BTNL9: variants seen among roughly 807,000 people sequenced by gnomAD.
BTNL9 encodes butyrophilin-like protein 9.
A neutral mutation model predicts 45.8 loss-of-function variants in BTNL9; 45 were observed. The observed-to-expected ratio is 0.98, with a 90% CI of 0.77 to 1.26. The LOEUF is 1.26. Among genes scored for constraint, BTNL9 ranks in the 50% most tolerant of loss-of-function variants. The pLI, the probability that BTNL9 is intolerant of heterozygous loss-of-function variation, is 0.00. For missense variants in BTNL9, 784 were observed against 729.7 expected, an observed-to-expected ratio of 1.07 and a Z score of -0.86; for synonymous variants, 346 against 330.8, an observed-to-expected ratio of 1.05 and a Z score of -0.50.
At position 181,045,534 on chromosome 5, in the gene BTNL9, G is replaced by A. The variant is rs773291591; in HGVS notation, c.45G>A (p.Ser15=). ...CCCCAGACTCCTTGAAGCCAGTATC[G>A]CTGACCAGCAGTCTTGTCTTCCTCA... ...SVSPDSLKPV[S]LTSSLVFLMH... Residue 15 remains serine (S), a synonymous_variant, in exon 2 of 11, where the codon TCG becomes TCA. Coordinates refer to ENST00000327705, the MANE Select transcript of BTNL9 (RefSeq NM_152547.5). The A allele has an allele frequency of 9.3e-6, 15 of 1,612,350 alleles. No homozygotes were observed. The highest frequency in any genetic ancestry group is 4.5e-5 in the East Asian group (2 of 44,866).
chr5:181,052,027 G>A (rs1041638292), intron 4 of BTNL9, among the ~76,000 whole-genome samples: 1 of 151,968 alleles, frequency 6.6e-6, no homozygotes, highest in Non-Finnish European at 1.5e-5. Flanking sequence ...AGAGGGTCGA[G>A]GGGGAGGGTC....
rs373958144 is a variant in BTNL9 at position 181,046,644 on chromosome 5, T to C, written c.109+1046T>C. Among the ~76,000 whole-genome samples, 6 of 151,882 alleles carry C rather than the reference T, an allele frequency of 4.0e-5. No individual in the cohort carries two copies. The East Asian group carries it at 7.7e-4, about 20-fold the overall frequency. On this transcript the variant is annotated intron_variant, in intron 2 of 10. Transcript: ENST00000327705. Reference sequence around the variant, plus strand: ...GGTGTGGATGTGGCATAAATGGCTGTCCATTTATGTGACCATGGCTGAGAG... The same window carrying C: ...GGTGTGGATGTGGCATAAATGGCTGCCCATTTATGTGACCATGGCTGAGAG...
At chr5:181,057,731 C>T (rs1761954474) in intron 9 of BTNL9, among the ~76,000 whole-genome samples, 1 of 152,160 alleles carries the variant, frequency 6.6e-6, no homozygotes, top group Admixed American at 6.5e-5. Context: ...CTGAGATATT[C>T]CACACAAGAG....
At position 181,048,126 on chromosome 5, in the gene BTNL9, G is replaced by A. The variant is rs751682675; in HGVS notation, c.309G>A (p.Arg103=). The A allele has an allele frequency of 1.2e-6, 2 of 1,613,654 alleles. No individual in the cohort carries two copies. The highest frequency in any genetic ancestry group is 2.2e-5 in the East Asian group (1 of 44,876). Residue 103 remains arginine (R), a synonymous_variant, in exon 3 of 11, where the codon AGG becomes AGA. Coordinates refer to ENST00000327705, the MANE Select transcript of BTNL9 (RefSeq NM_152547.5). Reference sequence around the variant, plus strand: ...GGCAGATGCCGGCGTTCCGGAACAGGACCAAGTTGGTCAAGGACGACATCG... The same window carrying A: ...GGCAGATGCCGGCGTTCCGGAACAGAACCAAGTTGGTCAAGGACGACATCG... ...PGRQMPAFRN[R]TKLVKDDIAY...
intron 7 of BTNL9, chr5:181,054,888 A>G (rs1262595826): frequency 7.1e-6 from 7 of 985,366 alleles, no homozygotes; most frequent in Admixed American, 6.1e-5. Context: ...ATAACACTAT[A>G]GCATGAATGC....
chr5:181,053,398 G>T lies in BTNL9; in HGVS notation c.854-71G>T. The T allele has an allele frequency of 6.5e-7, 1 of 1,532,436 alleles. No individual in the cohort carries two copies. Among genetic ancestry groups the T allele is most frequent in the Non-Finnish European group, 8.8e-7 (1 of 1,138,256 alleles). 94.9% of individuals were successfully genotyped at this position (1,532,436 alleles called of 1,614,324 possible). A position where few individuals can be genotyped will look rare whatever the true frequency, so the allele number is the denominator to read the frequency against. ...CCGCGGAGGCGCCTCCCCCCAGGAC[G>T]CGGCGCGGGAAGGCGGCCTGGAAGG... On this transcript the variant is annotated intron_variant, in intron 5 of 10. Coordinates refer to ENST00000327705, the MANE Select transcript of BTNL9 (RefSeq NM_152547.5). This position sits in a 1 kb window ranked among gnomAD's most constrained non-coding sequence, Gnocchi z 6.5.
intron 10 of BTNL9, 138 bp from the exon 11 acceptor site, chr5:181,059,099 C>T: frequency 7.4e-7 from 1 of 1,358,090 alleles, no homozygotes; most frequent in South Asian, 1.6e-5. Context: ...AGGGGGTTTG[C>T]AGGGGTGAGG....
intron 2 of BTNL9, 71 bp downstream of exon 2, chr5:181,045,669 C>T (rs1046518407): frequency 2.3e-5 from 29 of 1,236,378 alleles, no homozygotes; most frequent in Non-Finnish European, 3.0e-5. Context: ...CCCAGGGCTA[C>T]GATCTTAGCA....
At chr5:181,041,650 T>A (rs1005438502) in intron 1 of BTNL9, among the ~76,000 whole-genome samples, 1 of 152,202 alleles carries the variant, frequency 6.6e-6, no homozygotes, top group Non-Finnish European at 1.5e-5. Context: ...AAACAAACAG[T>A]CCTAAGTGTA....
Position 181,059,474 on chromosome 5 carries a change from G to A in BTNL9, c.1220G>A (p.Arg407His), listed in dbSNP as rs746641215. Residue 407 changes from arginine to histidine, a missense_variant, in exon 11 of 11, where the codon CGC (arginine) becomes CAC (histidine). By Grantham distance (29) the Arg-to-His change is conservative (BLOSUM62 0). Coordinates refer to ENST00000327705, the MANE Select transcript of BTNL9 (RefSeq NM_152547.5). Reference protein sequence around the residue: ...FLGACLAAVPRAGPARLSPAA... With the variant: ...FLGACLAAVPHAGPARLSPAA... The stretch of plus-strand genomic sequence containing the variant: ...GGCGCCTGCCTGGCCGCGGTGCCGC[G>A]CGCGGGGCCTGCGCGCCTGAGCCCT... 22 of 1,445,730 alleles carry A rather than the reference G, an allele frequency of 1.5e-5. No homozygotes were observed. In the African/African-American group the frequency reaches 2.3e-4, roughly 15 times the overall value. The allele number at this position is 1,445,730 out of a possible 1,614,324, so 89.6% of individuals were successfully genotyped here.
In BTNL9 at chr5:181,053,789, G is replaced by A. The variant is rs559932544; in HGVS notation, c.886+288G>A. 3.3e-6 allele frequency: 5 copies of A among 1,523,828 alleles called. No homozygotes were observed. The highest frequency in any genetic ancestry group is 4.4e-6 in the Non-Finnish European group (5 of 1,138,962). 94.4% of individuals were successfully genotyped at this position (1,523,828 alleles called of 1,614,324 possible). On this transcript the variant is annotated intron_variant, in intron 6 of 10. Coordinates refer to ENST00000327705, the MANE Select transcript of BTNL9 (RefSeq NM_152547.5). This position sits in a 1 kb window ranked among gnomAD's most constrained non-coding sequence, Gnocchi z 6.5. ...AGCTTCACATCACACTGTACAGAGG[G>A]AGCGGTGACCAGGGTCTCTGCTGCC... is the stretch of plus-strand genomic sequence containing the variant.
chr5:181,054,384 C>T (rs1044502490), intron 7 of BTNL9, 125 bp downstream of exon 7: 9 of 1,531,170 alleles, frequency 5.9e-6, no homozygotes, highest in African/African-American at 1.4e-5. Context: ...CCCTGTGAGC[C>T]TCCACCTCTT....
chr5:181,055,322 C>A lies in BTNL9; in HGVS notation c.908-111C>A. ...AAGCTGTAAAAAAAAAAAAATGAAG[C>A]TGTGATTAGCAGTGGCTTAAGACTA... On this transcript the variant is annotated intron_variant, in intron 7 of 10. Transcript: ENST00000327705. This position sits in a 1 kb window ranked among gnomAD's most constrained non-coding sequence, Gnocchi z 4.4. 6.4e-7 allele frequency: 1 copy of A among 1,568,956 alleles called. No individual in the cohort carries two copies. The highest frequency in any genetic ancestry group is 8.6e-7 in the Non-Finnish European group (1 of 1,162,072).
intron 7 of BTNL9, chr5:181,054,691 AAG>A: frequency 1.0e-6 from 1 of 985,268 alleles, no homozygotes; most frequent in Non-Finnish European, 1.2e-6. Context: ...TGTAGAGAGG[AAG>A]AGAGAGTGAA....
At chr5:181,045,698 G>C (rs1461770785) in intron 2 of BTNL9, 100 bp downstream of exon 2, 1 of 947,006 alleles carries the variant, frequency 1.1e-6, no homozygotes, top group African/African-American at 1.6e-5. Flanking sequence ...GGGCGTGCCA[G>C]ACGCTAAAAT....
Position 181,058,908 on chromosome 5 carries a change from G to A in BTNL9, c.983-329G>A, listed in dbSNP as rs116582487. Reference sequence around the variant, plus strand: ...TCACGCAGGGTGGTGCCACCAGCAGGAACTAGAACCAGCCCATAGGTCCTT... The same window carrying A: ...TCACGCAGGGTGGTGCCACCAGCAGAAACTAGAACCAGCCCATAGGTCCTT... On this transcript the variant is annotated intron_variant, in intron 10 of 10. Coordinates refer to ENST00000327705, the MANE Select transcript of BTNL9 (RefSeq NM_152547.5). 3.9e-3 allele frequency among the ~76,000 whole-genome samples: 593 copies of A among 151,950 alleles called. 6 individuals carry two copies. Among genetic ancestry groups the A allele is most frequent in the African/African-American group, 0.013 (543 of 41,438 alleles).
chr5:181,058,320 G>T, intron 9 of BTNL9, 32 bp from the exon 10 acceptor site: 1 of 1,613,898 alleles, frequency 6.2e-7, no homozygotes, highest in South Asian at 1.1e-5. Context: ...TGAGATTTCT[G>T]AGCTTTTTTC....
chr5:181,053,455 C>T lies in BTNL9; in HGVS notation c.854-14C>T. ...GGCGCGCACTCAGCCCTCTCCGCTC[C>T]CGTTTCCCTTCAGAAAAGCTGAGGA... On this transcript the variant is annotated splice_polypyrimidine_tract_variant and intron_variant, in intron 5 of 10. Transcript: ENST00000327705. This position sits in a 1 kb window ranked among gnomAD's most constrained non-coding sequence, Gnocchi z 6.5. 1.3e-6 allele frequency: 2 copies of T among 1,566,920 alleles called. No homozygotes were observed. Among genetic ancestry groups the T allele is most frequent in the Middle Eastern group, 1.8e-4 (1 of 5,550 alleles).
Position 181,055,691 on chromosome 5 carries a change from C to T in BTNL9, c.928+238C>T, listed in dbSNP as rs1761841011. On this transcript the variant is annotated intron_variant, in intron 8 of 10. Transcript: ENST00000327705. The surrounding 1 kb of genome is among the most constrained non-coding windows in gnomAD (Gnocchi z 4.4). ...GGCTGAGGCAGGAGAAGGGCGTGAA[C>T]CCGGGAAGCGGAGCTTGCAGTGAGC... 2.9e-6 allele frequency: 2 copies of T among 688,888 alleles called. No homozygotes were observed. Among genetic ancestry groups the T allele is most frequent in the Non-Finnish European group, 5.2e-6 (2 of 385,752 alleles). The allele number at this position is 688,888 out of a possible 1,614,324, so 42.7% of individuals were successfully genotyped here. A position where few individuals can be genotyped will look rare whatever the true frequency, so the allele number is the denominator to read the frequency against.
Sources: gnomAD v4.1 joint callset for allele counts (sites outside exome capture counted in the v4.1 genomes callset) on GRCh38, gnomAD v4.1.1 for gene constraint, Gnocchi (gnomAD v3.1) non-coding constraint, MANE v1.5 for transcripts, NCBI Gene and HGNC (gene_info 2026-07-23, HGNC 2026-07-21) for gene names.